The following MYT1 variants were observed in gnomAD, a reference collection of about 807,000 sequenced individuals.
The protein encoded by MYT1 is myelin transcription factor I.
Under a neutral mutation model 123.0 loss-of-function variants are expected in MYT1, and 23 were observed. The observed-to-expected ratio is 0.19, with a 90% CI of 0.13 to 0.26. The LOEUF (loss-of-function observed/expected upper bound fraction) is 0.26, where lower values mean the gene tolerates loss of function less well. Ranked by LOEUF, MYT1 falls within the 10% of genes least tolerant of loss-of-function variation. The probability of loss-of-function intolerance (pLI) is 1.00; values close to 1 mark genes in which losing one functional copy is unlikely to be tolerated. For synonymous variants in MYT1, 518 were observed against 575.3 expected (o/e 0.90, Z 1.43); for missense variants, 1,125 against 1,472.5 (o/e 0.76, Z 3.86).
chr20:64,221,798 A>G (rs1371704877), intron 13 of MYT1, 95 bp from the exon 14 acceptor site: 1 of 1,294,886 alleles, frequency 7.7e-7, no homozygotes, highest in Admixed American at 2.2e-5. Flanking sequence ...TTCTGTGGAC[A>G]CTGTCCTGAA....
At chr20:64,199,982 T>C (rs957026061) in intron 4 of MYT1, 60 bp downstream of exon 4, 68 of 1,589,816 alleles carry the variant, frequency 4.3e-5, no homozygotes, top group Middle Eastern at 1.7e-4. Flanking sequence ...CCTGGAGATA[T>C]CCTAAATGTC....
In MYT1 at chr20:64,218,766, A is replaced by T; in HGVS notation, c.1847-145A>T. 1.1e-6 allele frequency: 1 copy of T among 951,886 alleles called. No homozygotes were observed. The highest frequency in any genetic ancestry group is 1.6e-6 in the Non-Finnish European group (1 of 619,018). The allele number at this position is 951,886 out of a possible 1,614,324, so 59.0% of individuals were successfully genotyped here. ...CTCCCAAAGTGCCCCCTCCCCACTG[A>T]CTTGTCTGCATTGCTGCCTCTTTTC... On this transcript the variant is annotated intron_variant, in intron 11 of 22. Transcript: ENST00000328439. The surrounding 1 kb of genome is among the most constrained non-coding windows in gnomAD (Gnocchi z 4.0).
At chr20:64,170,783 T>A (rs1982228695) in intron 1 of MYT1, among the ~76,000 whole-genome samples, 1 of 145,984 alleles carries the variant, frequency 6.9e-6, no homozygotes, top group African/African-American at 2.5e-5. Flanking sequence ...ATGTCACCGA[T>A]GCGTCAAAGT....
At chr20:64,226,585 G>T (rs1984174915) in intron 16 of MYT1, among the ~76,000 whole-genome samples, 3 of 152,296 alleles carry the variant, frequency 2.0e-5, no homozygotes, top group East Asian at 3.9e-4. Flanking sequence ...CCTGACGGGG[G>T]ATGGATCTAC....
intron 5 of MYT1, 24 bp downstream of exon 5, chr20:64,205,121 G>A (rs373079702): frequency 7.3e-5 from 117 of 1,612,096 alleles, no homozygotes; most frequent in Non-Finnish European, 8.1e-5. Flanking sequence ...TGGATCTCAC[G>A]GAGATTCCTG....
At position 64,231,563 on chromosome 20, in the gene MYT1, G is replaced by A. The variant is rs1162434274; in HGVS notation, c.2676-601G>A. On this transcript the variant is annotated intron_variant, in intron 18 of 22. Coordinates refer to ENST00000328439, the MANE Select transcript of MYT1 (RefSeq NM_004535.3). The surrounding 1 kb of genome is among the most constrained non-coding windows in gnomAD (Gnocchi z 6.4). ...CGAGTCTCCCCCACATGAGGTCTGC[G>A]TTCTTCCTTCTAGAACATAGATCTC... Among the ~76,000 whole-genome samples the A allele has an allele frequency of 1.3e-5, 2 of 152,266 alleles. No individual in the cohort carries two copies. Among genetic ancestry groups the A allele is most frequent in the African/African-American group, 4.8e-5 (2 of 41,472 alleles).
chr20:64,235,979 C>T (rs1271452246), intron 19 of MYT1, among the ~76,000 whole-genome samples: 53 of 37,866 alleles, frequency 1.4e-3, no homozygotes, highest in African/African-American at 1.7e-3. Flanking sequence ...GGGATGGCCG[C>T]GGTGGGTGAC....
At position 64,196,330 on chromosome 20, in the gene MYT1, GC is replaced by G. The variant is rs1379871268; in HGVS notation, c.1-2527del. 6.6e-6 allele frequency among the ~76,000 whole-genome samples: 1 copy of G among 152,210 alleles called. No homozygotes were observed. The highest frequency in any genetic ancestry group is 2.4e-5 in the African/African-American group (1 of 41,452). ...CCTGGGTGGTGCTGGGCACAGGGCC[GC>G]CCCCAGCACCCGCTCTCCATCTACC... On this transcript the variant is annotated intron_variant, in intron 2 of 22. Transcript: ENST00000328439. This position sits in a 1 kb window ranked among gnomAD's most constrained non-coding sequence, Gnocchi z 4.3.
At chr20:64,199,246 C>A (rs1052437863) in intron 3 of MYT1, among the ~76,000 whole-genome samples, 1 of 152,218 alleles carries the variant, frequency 6.6e-6, no homozygotes, top group African/African-American at 2.4e-5. Context: ...CCCCTTCCTT[C>A]CCAGGCGATC....
intron 1 of MYT1, among the ~76,000 whole-genome samples, chr20:64,181,285 T>A (rs1168673702): frequency 1.3e-5 from 2 of 151,930 alleles, no homozygotes; most frequent in African/African-American, 4.8e-5. Context: ...TCTCGGAAAA[T>A]TTTTTTTATT....
Position 64,208,518 on chromosome 20 carries a change from A to T in MYT1, c.1291+31A>T. On this transcript the variant is annotated intron_variant, in intron 7 of 22. Transcript: ENST00000328439. This position sits in a 1 kb window ranked among gnomAD's most constrained non-coding sequence, Gnocchi z 5.4. ...GCTCAGGGGTGGCCTGGCCCTGCAG[A>T]CTCATCCTTTCACCCCTGCCCCAGG... 6.4e-7 allele frequency: 1 copy of T among 1,553,420 alleles called. No individual in the cohort carries two copies. Among genetic ancestry groups the T allele is most frequent in the East Asian group, 2.3e-5 (1 of 44,068 alleles).
intron 4 of MYT1, 79 bp from the exon 5 acceptor site, chr20:64,204,956 C>A: frequency 6.9e-7 from 1 of 1,445,936 alleles, no homozygotes; most frequent in Non-Finnish European, 9.7e-7. Flanking sequence ...CATTCTGCTC[C>A]CCAGGGTGAA....
In MYT1 at chr20:64,170,934, G is replaced by GAGAC. The variant is rs1364403671; in HGVS notation, c.-99+6196_-99+6197insGACA. Among the ~76,000 whole-genome samples, 62 of 131,656 alleles carry GAGAC rather than the reference G, an allele frequency of 4.7e-4. 1 individual carries two copies. Among genetic ancestry groups the GAGAC allele is most frequent in the Non-Finnish European group, 6.7e-4 (41 of 61,564 alleles). 86.4% of individuals were successfully genotyped at this position (131,656 alleles called of 152,430 possible). ...AGAGAGAGAGAGAGAGAGAGAGAGA[G>GAGAC]ACGGAGTCTTGCTCTGTTGGCCTGG... On this transcript the variant is annotated intron_variant, in intron 1 of 22. Transcript: ENST00000328439.
rs767800045 is a variant in MYT1, at chr20:64,207,859, C to G, written c.663C>G (p.Ala221=). The part of the protein sequence containing the change: ...EKGLFIQPED[A]EEVVEVTTER... The stretch of plus-strand genomic sequence containing the variant: ...GCCTCTTCATCCAGCCAGAGGATGC[C>G]GAGGAGGTCGTCGAAGTCACCACCG... The change falls in exon 7 of 23, where the codon GCC becomes GCG. Residue 221 remains alanine, a synonymous_variant. Coordinates refer to ENST00000328439, the MANE Select transcript of MYT1 (RefSeq NM_004535.3). 6.2e-7 allele frequency: 1 copy of G among 1,613,360 alleles called. No individual in the cohort carries two copies. Among genetic ancestry groups the G allele is most frequent in the Non-Finnish European group, 8.5e-7 (1 of 1,179,838 alleles).
At chr20:64,227,317 G>T in intron 16 of MYT1, 98 bp from the exon 17 acceptor site, 1 of 1,150,796 alleles carries the variant, frequency 8.7e-7, no homozygotes, top group Non-Finnish European at 1.3e-6. Context: ...CGCACTCAAG[G>T]GCTGAGCCCA....
intron 1 of MYT1, among the ~76,000 whole-genome samples, chr20:64,183,501 G>T (rs562723455): frequency 9.9e-5 from 15 of 152,142 alleles, no homozygotes; most frequent in Non-Finnish European, 1.9e-4. Flanking sequence ...ATTCTATGAG[G>T]GTTCTTGCCA....
At chr20:64,170,935 A>AGAGG (rs1982259402) in intron 1 of MYT1, among the ~76,000 whole-genome samples, 1 of 120,590 alleles carries the variant, frequency 8.3e-6, no homozygotes, top group African/African-American at 3.2e-5. Flanking sequence ...AGAGAGAGAG[A>AGAGG]CGGAGTCTTG....
chr20:64,191,094 C>T lies in MYT1; in HGVS notation c.-1+934C>T, dbSNP rs911153736. ...TGTGATAGGCCTGAGCAACTGTTCTCTATTCACCCTGCTTTTACCTGGCCA... is the reference window on the plus strand; with the variant it reads ...TGTGATAGGCCTGAGCAACTGTTCTTTATTCACCCTGCTTTTACCTGGCCA... On this transcript the variant is annotated intron_variant, in intron 2 of 22. Coordinates refer to ENST00000328439, the MANE Select transcript of MYT1 (RefSeq NM_004535.3). This position sits in a 1 kb window ranked among gnomAD's most constrained non-coding sequence, Gnocchi z 4.1. Among the ~76,000 whole-genome samples, 4 of 152,240 alleles carry T rather than the reference C, an allele frequency of 2.6e-5. No homozygotes were observed. The highest frequency in any genetic ancestry group is 4.4e-5 in the Non-Finnish European group (3 of 68,044).
At chr20:64,195,318 A>G (rs1390744545) in intron 2 of MYT1, among the ~76,000 whole-genome samples, 1 of 149,160 alleles carries the variant, frequency 6.7e-6, no homozygotes, top group African/African-American at 2.5e-5. Flanking sequence ...TGAGTCTGGA[A>G]AAGGGGCTGG....
Sources: gnomAD v4.1 joint callset for allele counts (sites outside exome capture counted in the v4.1 genomes callset) on GRCh38, gnomAD v4.1.1 for gene constraint, Gnocchi (gnomAD v3.1) non-coding constraint, MANE v1.5 for transcripts, NCBI Gene and HGNC (gene_info 2026-07-23, HGNC 2026-07-21) for gene names.